DAB1: variants seen among roughly 807,000 people sequenced by gnomAD.
The protein encoded by DAB1 is DAB adaptor protein 1.
In DAB1, 15 loss-of-function variants were observed where a neutral mutation model predicts 64.6. That is an observed-to-expected ratio of 0.23 (90% CI 0.16 to 0.36). DAB1 has a LOEUF of 0.36. Among genes scored for constraint, DAB1 ranks in the 10% least tolerant of loss-of-function variants. DAB1 has a pLI of 1.00. For synonymous variants in DAB1, 235 were observed against 251.9 expected (o/e 0.93, Z 0.64); for missense variants, 596 against 706.7 (o/e 0.84, Z 1.78).
chr1:58,169,944 T>C (rs965761966), intron 4 of DAB1, among the ~76,000 whole-genome samples: 2 of 152,184 alleles, frequency 1.3e-5, no homozygotes, highest in Admixed American at 6.5e-5. Context: ...TTTCAGATGA[T>C]CCTGATAGGT....
At chr1:57,878,756 A>G (rs1389713556) in intron 1 of DAB1, 1 of 152,166 alleles carries the variant, frequency 6.6e-6, no homozygotes, top group Non-Finnish European at 1.5e-5. Flanking sequence ...ACAGTGCTGT[A>G]GAACACTAGA....
At chr1:57,940,492 C>A (rs1016655341) in intron 5 of DAB1, among the ~76,000 whole-genome samples, 1 of 152,204 alleles carries the variant, frequency 6.6e-6, no homozygotes, top group Non-Finnish European at 1.5e-5. Flanking sequence ...AAGTGAAGGG[C>A]AGACTAGAGG....
rs372117373 is a variant in DAB1, at chr1:58,020,667, T to A, written n.387+129844A>T. Among the ~76,000 whole-genome samples, 142 of 152,190 alleles carry A rather than the reference T, an allele frequency of 9.3e-4. 1 individual carries two copies. Among genetic ancestry groups the A allele is most frequent in the Middle Eastern group, 6.8e-3 (2 of 294 alleles). ...CCTGATACGCAGAGCTGATGCCCAA[T>A]GAGAAGTTGTGTAAAACTGCCTAGA... On this transcript the variant is annotated intron_variant and non_coding_transcript_variant, in intron 5 of 20. Transcript: ENST00000485760.
chr1:58,227,519 C>T (rs1659554162), intron 4 of DAB1, among the ~76,000 whole-genome samples: 1 of 152,146 alleles, frequency 6.6e-6, no homozygotes. Flanking sequence ...GCTGTGTGTC[C>T]AGCACTCTCC....
chr1:57,176,379 C>G (rs1460990374), intron 2 of DAB1, among the ~76,000 whole-genome samples: 1 of 151,962 alleles, frequency 6.6e-6, no homozygotes, highest in Admixed American at 6.6e-5. Flanking sequence ...TGCAGGGAAA[C>G]CCCCGTTTTT....
At chr1:57,941,763 A>C (rs1209990429) in intron 5 of DAB1, among the ~76,000 whole-genome samples, 1 of 152,196 alleles carries the variant, frequency 6.6e-6, no homozygotes, top group Non-Finnish European at 1.5e-5. Flanking sequence ...TGAATCCAGA[A>C]GGCGGAGGTT....
chr1:57,858,765 G>A (rs558872155), intron 1 of DAB1, among the ~76,000 whole-genome samples: 7 of 150,338 alleles, frequency 4.7e-5, no homozygotes, highest in African/African-American at 1.7e-4. Flanking sequence ...AGAAGTCAGT[G>A]AGACAATGGC....
chr1:57,795,842 A>G (rs1569712086), intron 6 of DAB1, among the ~76,000 whole-genome samples: 1 of 150,950 alleles, frequency 6.6e-6, no homozygotes, highest in East Asian at 2.0e-4. Context: ...TATAATGCTG[A>G]AGAAATAATT....
chr1:57,219,872 C>A (rs1238734368), intron 2 of DAB1, among the ~76,000 whole-genome samples: 1 of 152,120 alleles, frequency 6.6e-6, no homozygotes, highest in Admixed American at 6.5e-5. Context: ...CATTGAGAGA[C>A]CCCTGAGCAG....
intron 5 of DAB1, among the ~76,000 whole-genome samples, chr1:57,889,894 T>TGGGGGGG (rs1259975929): frequency 6.2e-4 from 5 of 8,014 alleles, no homozygotes; most frequent in African/African-American, 1.5e-3. Context: ...TAGCACAAAC[T>TGGGGGGG]GGGGCGGGGG....
At chr1:57,102,692 C>CA (rs1654790380) in intron 4 of DAB1, among the ~76,000 whole-genome samples, 1 of 152,150 alleles carries the variant, frequency 6.6e-6, no homozygotes, top group African/African-American at 2.4e-5. Context: ...GCCAATGACA[C>CA]AAAGTATAGG....
At chr1:57,993,360 T>C (rs889395768) in intron 5 of DAB1, among the ~76,000 whole-genome samples, 3 of 152,216 alleles carry the variant, frequency 2.0e-5, no homozygotes, top group Admixed American at 6.5e-5. Context: ...GTCTTTCCAA[T>C]GAGCAGATAA....
chr1:57,041,614 A>C (rs1286324335), intron 9 of DAB1, among the ~76,000 whole-genome samples: 1 of 152,192 alleles, frequency 6.6e-6, no homozygotes, highest in Non-Finnish European at 1.5e-5. Flanking sequence ...TCCATCTCAT[A>C]AGACTGAGTT....
intron 3 of DAB1, among the ~76,000 whole-genome samples, chr1:58,412,203 G>T (rs901152757): frequency 1.5e-4 from 23 of 152,154 alleles, no homozygotes; most frequent in African/African-American, 5.3e-4. Flanking sequence ...GCCCCAGAAA[G>T]GAGTCATTCT....
chr1:58,164,502 G>A (rs760039811), intron 4 of DAB1, among the ~76,000 whole-genome samples: 1 of 152,180 alleles, frequency 6.6e-6, no homozygotes, highest in Non-Finnish European at 1.5e-5. Context: ...GGCTTTTCCA[G>A]TCGGCTCTGA....
chr1:57,360,850 C>T (rs1182695177), intron 1 of DAB1, among the ~76,000 whole-genome samples: 1 of 152,126 alleles, frequency 6.6e-6, no homozygotes, highest in Non-Finnish European at 1.5e-5. Flanking sequence ...AGCACCGGCC[C>T]TTCAATAACA....
intron 4 of DAB1, among the ~76,000 whole-genome samples, chr1:58,232,785 G>A (rs1237817842): frequency 6.6e-6 from 1 of 152,156 alleles, no homozygotes; most frequent in Non-Finnish European, 1.5e-5. Flanking sequence ...AGAGAAAACA[G>A]CAAGAACAAA....
intron 3 of DAB1, among the ~76,000 whole-genome samples, chr1:58,415,807 T>A (rs964796497): frequency 1.3e-5 from 2 of 152,198 alleles, no homozygotes; most frequent in African/African-American, 4.8e-5. Context: ...AGCACCTGCC[T>A]CAGCAGCCAG....
chr1:58,527,281 C>T, exon 2 of DAB1: 2 of 872,274 alleles, frequency 2.3e-6, no homozygotes, highest in South Asian at 1.3e-5. Context: ...AGCAGTAGTC[C>T]AATTTTGTCA....
Sources: gnomAD v4.1 joint callset for allele counts (sites outside exome capture counted in the v4.1 genomes callset) on GRCh38, gnomAD v4.1.1 for gene constraint, MANE v1.5 for transcripts, NCBI Gene and HGNC (gene_info 2026-07-23, HGNC 2026-07-21) for gene names.